Variants in CLEC6A observed in about 807,000 individuals in gnomAD.
CLEC6A encodes the protein C-type lectin domain family 6 member A.
CLEC6A carries 22 observed loss-of-function variants against 25.7 expected under a neutral mutation model. That is an observed-to-expected ratio of 0.85 (90% CI 0.61 to 1.22). The LOEUF (loss-of-function observed/expected upper bound fraction) is 1.22, where lower values mean the gene tolerates loss of function less well. Among genes scored for constraint, CLEC6A ranks in the 50% most tolerant of loss-of-function variants. The pLI, the probability that CLEC6A is intolerant of heterozygous loss-of-function variation, is 0.00. For missense variants in CLEC6A, 240 were observed against 236.8 expected (o/e 1.01, Z -0.09); for synonymous variants, 92 against 76.7 (o/e 1.20, Z -1.04).
At chr12:8,460,945 T>G (rs768547738) in intron 3 of CLEC6A, 5 of 899,566 alleles carry the variant, frequency 5.6e-6, no homozygotes, top group African/African-American at 3.3e-5. Context: ...TGGATGCCAC[T>G]GTGGGGCTCT....
At chr12:8,458,978 G>A (rs1040112468) in intron 2 of CLEC6A, among the ~76,000 whole-genome samples, 5 of 152,124 alleles carry the variant, frequency 3.3e-5, no homozygotes, top group Admixed American at 6.5e-5. Context: ...TTTTATAAAC[G>A]TTTAAAGTTT....
At chr12:8,460,888 C>G in intron 3 of CLEC6A, 1 of 880,650 alleles carries the variant, frequency 1.1e-6, no homozygotes, top group Non-Finnish European at 1.9e-6. Context: ...CGGTGTTAAC[C>G]AGCCAAAGTT....
chr12:8,472,994 C>CTTTTTTTTTTTTTTTTTTTT lies in CLEC6A; in HGVS notation c.370-3112_370-3111insTTTTTTTTTTTTTTTTTTTT. Among the ~76,000 whole-genome samples the CTTTTTTTTTTTTTTTTTTTT allele has an allele frequency of 2.8e-3, 10 of 3,580 alleles. 4 individuals carry two copies. The highest frequency in any genetic ancestry group is 3.7e-3 in the African/African-American group (8 of 2,158). 2.3% of individuals were successfully genotyped at this position (3,580 alleles called of 152,430 possible). A position where few individuals can be genotyped will look rare whatever the true frequency, so the allele number is the denominator to read the frequency against. On this transcript the variant is annotated intron_variant, in intron 4 of 5. Transcript: ENST00000382073. ...AGTACTCAGTGTTTAGCTCCTACTTCTTTTTTTTTTTTTTTTTTTGAGACG... is the reference window on the plus strand; with the variant it reads ...AGTACTCAGTGTTTAGCTCCTACTTCTTTTTTTTTTTTTTTTTTTTTTTTTTTTTTTTTTTTTTTGAGACG...
intron 1 of CLEC6A, 121 bp from the exon 2 acceptor site, chr12:8,457,777 G>T: frequency 1.5e-6 from 1 of 689,256 alleles, no homozygotes; most frequent in Non-Finnish European, 2.6e-6. Context: ...CTGTCTTCTT[G>T]CTTTAAGTTT....
At chr12:8,465,331 T>C (rs964992600) in intron 3 of CLEC6A, among the ~76,000 whole-genome samples, 153 bp from the exon 4 acceptor site, 1 of 152,210 alleles carries the variant, frequency 6.6e-6, no homozygotes. Flanking sequence ...AAAGAATGTT[T>C]ATGTGAAATC....
chr12:8,474,295 C>T (rs1338054746), intron 4 of CLEC6A, among the ~76,000 whole-genome samples: 1 of 152,052 alleles, frequency 6.6e-6, no homozygotes. Flanking sequence ...ATATGATTAC[C>T]CAGCTATCCA....
chr12:8,471,736 A>G (rs911310572), intron 4 of CLEC6A, among the ~76,000 whole-genome samples: 4 of 152,042 alleles, frequency 2.6e-5, no homozygotes, highest in Admixed American at 6.6e-5. Flanking sequence ...CCCACTTATT[A>G]TGGTGGTGTC....
chr12:8,472,991 C>CTTTTTT (rs1565484384), intron 4 of CLEC6A, among the ~76,000 whole-genome samples: 1 of 2,472 alleles, frequency 4.0e-4, no homozygotes, highest in African/African-American at 5.3e-4. Context: ...TTAGCTCCTA[C>CTTTTTT]TTCTTTTTTT....
At chr12:8,473,558 G>A (rs1214582708) in intron 4 of CLEC6A, among the ~76,000 whole-genome samples, 1 of 151,848 alleles carries the variant, frequency 6.6e-6, no homozygotes, top group East Asian at 1.9e-4. Flanking sequence ...ACTTTTTTTG[G>A]TGAAATGGTT....
intron 3 of CLEC6A, 26 bp from the exon 4 acceptor site, chr12:8,465,457 CT>C (rs747949709): frequency 4.3e-6 from 7 of 1,610,096 alleles, no homozygotes; most frequent in South Asian, 2.2e-5. Flanking sequence ...TGCACTCACT[CT>C]TTTTTTTCAT....
chr12:8,477,640 G>A lies in CLEC6A; in HGVS notation c.*176G>A, dbSNP rs117539143. On this transcript the variant is annotated 3_prime_UTR_variant, in exon 6 of 6. Transcript: ENST00000382073. The stretch of plus-strand genomic sequence containing the variant: ...CTGTTTCCCTTTAATCAATCTTCTC[G>A]TTTCCTCTTTTCCATTAATGATAGA... 1,007 of 460,150 alleles carry A rather than the reference G, an allele frequency of 2.2e-3. 5 individuals are homozygous for A. Among genetic ancestry groups the A allele is most frequent in the African/African-American group, 0.015 (729 of 49,084 alleles). 28.5% of individuals were successfully genotyped at this position (460,150 alleles called of 1,614,324 possible).
chr12:8,476,264 T>A, intron 5 of CLEC6A, 24 bp downstream of exon 5: 6 of 1,353,000 alleles, frequency 4.4e-6, no homozygotes, highest in Non-Finnish European at 6.2e-6. Context: ...TGGGGCCTTG[T>A]TTACATAGAA....
chr12:8,473,502 T>C (rs146744618), intron 4 of CLEC6A, among the ~76,000 whole-genome samples: 1 of 152,302 alleles, frequency 6.6e-6, no homozygotes, highest in Non-Finnish European at 1.5e-5. Context: ...GTCGATTCCA[T>C]GTTTTTACTA....
chr12:8,477,166 T>C (rs1482260623), intron 5 of CLEC6A, among the ~76,000 whole-genome samples, 154 bp from the exon 6 acceptor site: 1 of 152,142 alleles, frequency 6.6e-6, no homozygotes, highest in East Asian at 1.9e-4. Context: ...TGTCCATACT[T>C]GAGGATTTGA....
chr12:8,469,520 A>G (rs1939877392), intron 4 of CLEC6A, among the ~76,000 whole-genome samples: 1 of 152,194 alleles, frequency 6.6e-6, no homozygotes, highest in Non-Finnish European at 1.5e-5. Context: ...GCATTACATT[A>G]CCTAACTCTA....
chr12:8,469,783 T>C (rs1032004735), intron 4 of CLEC6A, among the ~76,000 whole-genome samples: 1 of 152,104 alleles, frequency 6.6e-6, no homozygotes, highest in Non-Finnish European at 1.5e-5. Context: ...AAAAATCAAC[T>C]CAAGGTGGAT....
intron 1 of CLEC6A, 39 bp downstream of exon 1, chr12:8,456,181 A>G (rs1282511653): frequency 3.1e-6 from 5 of 1,601,934 alleles, no homozygotes; most frequent in Middle Eastern, 1.7e-4. Flanking sequence ...GTGGAAGTGT[A>G]TGGTGAAATG....
chr12:8,475,606 A>T (rs760243855), intron 4 of CLEC6A, among the ~76,000 whole-genome samples: 1 of 152,098 alleles, frequency 6.6e-6, no homozygotes, highest in East Asian at 1.9e-4. Flanking sequence ...AGGCAGGAAG[A>T]AATAAAAATA....
chr12:8,466,742 G>A (rs186680276), intron 4 of CLEC6A, among the ~76,000 whole-genome samples: 2,010 of 151,226 alleles, frequency 0.013, 42 homozygotes, highest in African/African-American at 0.045. Flanking sequence ...TGCAACATCT[G>A]CCTCCCGGGT....
Sources: gnomAD v4.1 joint callset for allele counts (sites outside exome capture counted in the v4.1 genomes callset) on GRCh38, gnomAD v4.1.1 for gene constraint, MANE v1.5 for transcripts, NCBI Gene and HGNC (gene_info 2026-07-23, HGNC 2026-07-21) for gene names.